The following MIGA1 variants were observed in gnomAD, a reference collection of about 807,000 sequenced individuals.
MIGA1 encodes the protein family with sequence similarity 73, member A.
Under a neutral mutation model 82.0 loss-of-function variants are expected in MIGA1, and 58 were observed. The observed-to-expected ratio is 0.71, with a 90% CI of 0.57 to 0.88. The LOEUF is 0.88. Among genes scored for constraint, MIGA1 ranks in the 40% least tolerant of loss-of-function variants. The probability of loss-of-function intolerance (pLI) is 0.00; values close to 1 mark genes in which losing one functional copy is unlikely to be tolerated. For synonymous variants in MIGA1, 249 were observed against 253.6 expected (o/e 0.98, Z 0.17); for missense variants, 751 against 749.1 (o/e 1.00, Z -0.03).
chr1:77,873,623 G>T (rs1331642933), intron 15 of MIGA1, among the ~76,000 whole-genome samples: 2 of 152,144 alleles, frequency 1.3e-5, no homozygotes. Context: ...GTTTTAGTTT[G>T]CCAAAATACA....
At chr1:77,833,290 A>G (rs988052496) in intron 7 of MIGA1, among the ~76,000 whole-genome samples, 1 of 152,240 alleles carries the variant, frequency 6.6e-6, no homozygotes, top group Non-Finnish European at 1.5e-5. Flanking sequence ...TACACATTGT[A>G]CAACATATGA....
At chr1:77,872,736 C>T (rs181890071) in intron 14 of MIGA1, among the ~76,000 whole-genome samples, 1 of 152,328 alleles carries the variant, frequency 6.6e-6, no homozygotes, top group East Asian at 1.9e-4. Context: ...TAGCATGGCT[C>T]ATGACTGACT....
intron 7 of MIGA1, among the ~76,000 whole-genome samples, chr1:77,835,072 A>C (rs1244194984): frequency 6.6e-6 from 1 of 152,234 alleles, no homozygotes; most frequent in Non-Finnish European, 1.5e-5. Context: ...AGAAAATAGA[A>C]TGTGCCTAGG....
In MIGA1 at chr1:77,813,792, TAGAC is replaced by T. The variant is rs775693561; in HGVS notation, c.699_702del (p.Gln234LeufsTer22). On this transcript the variant is annotated frameshift_variant, in exon 6 of 16. Coordinates refer to ENST00000370791, the MANE Select transcript of MIGA1 (RefSeq NM_198549.4). LOFTEE classifies it high-confidence loss of function. ...GGGAACAAGCTCTGACCTTTCGCAA[TAGAC>T]AGGCTGAAGATGAAGCCTGTGGTTC... The T allele has an allele frequency of 1.2e-6, 2 of 1,614,192 alleles. No homozygotes were observed. The highest frequency in any genetic ancestry group is 3.3e-5 in the Admixed American group (2 of 60,024).
At chr1:77,859,971 T>C in intron 10 of MIGA1, 69 bp from the exon 11 acceptor site, 1 of 950,130 alleles carries the variant, frequency 1.1e-6, no homozygotes, top group Non-Finnish European at 1.7e-6. Flanking sequence ...TTATTTGTGC[T>C]ATTAAGTTGA....
intron 15 of MIGA1, 66 bp downstream of exon 15, chr1:77,873,186 T>C: frequency 6.8e-7 from 1 of 1,471,070 alleles, no homozygotes; most frequent in South Asian, 1.2e-5. Context: ...GGTTTTATTC[T>C]GTTTTGTTTT....
At chr1:77,863,578 C>T (rs1183268202) in intron 12 of MIGA1, among the ~76,000 whole-genome samples, 2 of 152,146 alleles carry the variant, frequency 1.3e-5, no homozygotes, top group East Asian at 3.8e-4. Flanking sequence ...GTGGGGAAGA[C>T]AGGCACATAT....
chr1:77,847,537 A>C, intron 8 of MIGA1: 1 of 1,463,516 alleles, frequency 6.8e-7, no homozygotes. Context: ...GAAATGGAAA[A>C]GGGAGAGTTT....
At chr1:77,820,145 CAT>C (rs1683746827) in intron 7 of MIGA1, among the ~76,000 whole-genome samples, 1 of 143,414 alleles carries the variant, frequency 7.0e-6, no homozygotes, top group South Asian at 2.2e-4. Context: ...CCTCTATACT[CAT>C]GTGGTGATCT....
intron 8 of MIGA1, among the ~76,000 whole-genome samples, chr1:77,843,956 C>T (rs1360509006): frequency 2.0e-5 from 3 of 151,232 alleles, no homozygotes; most frequent in African/African-American, 7.3e-5. Context: ...AAAAATTAAC[C>T]AGATGTGGTA....
intron 8 of MIGA1, chr1:77,847,243 C>G (rs1684878231): frequency 1.9e-6 from 2 of 1,051,290 alleles, no homozygotes; most frequent in Admixed American, 1.7e-5. Flanking sequence ...TGAAAGCCTT[C>G]AGAGGGAAGC....
At chr1:77,813,027 C>T (rs1683404838) in intron 5 of MIGA1, among the ~76,000 whole-genome samples, 1 of 152,146 alleles carries the variant, frequency 6.6e-6, no homozygotes, top group Non-Finnish European at 1.5e-5. Flanking sequence ...GTCACCTAGG[C>T]TGGAGTACAG....
intron 1 of MIGA1, among the ~76,000 whole-genome samples, chr1:77,781,094 A>G (rs976490443): frequency 5.9e-5 from 9 of 151,742 alleles, no homozygotes; most frequent in Admixed American, 5.9e-4. Flanking sequence ...TTTGTAGTAG[A>G]GATGGGGTTT....
At chr1:77,835,774 C>T (rs1453426431) in intron 7 of MIGA1, among the ~76,000 whole-genome samples, 1 of 151,810 alleles carries the variant, frequency 6.6e-6, no homozygotes, top group Admixed American at 6.6e-5. Flanking sequence ...ATGGTGAAAC[C>T]CCATCTCTAC....
intron 7 of MIGA1, among the ~76,000 whole-genome samples, chr1:77,833,084 T>A (rs748734251): frequency 4.6e-5 from 7 of 152,184 alleles, no homozygotes; most frequent in Non-Finnish European, 7.4e-5. Flanking sequence ...CTGAATGAAC[T>A]TGGCAACAAG....
intron 7 of MIGA1, among the ~76,000 whole-genome samples, chr1:77,832,159 A>G (rs191626224): frequency 6.6e-6 from 1 of 152,276 alleles, no homozygotes; most frequent in Non-Finnish European, 1.5e-5. Flanking sequence ...TTTTATATTG[A>G]TGTGTAGGAA....
At chr1:77,793,349 C>T (rs1464051962) in intron 2 of MIGA1, among the ~76,000 whole-genome samples, 13 of 152,006 alleles carry the variant, frequency 8.6e-5, no homozygotes, top group African/African-American at 7.2e-5. Context: ...GCAGTCTGTC[C>T]GCTTTGGCCT....
chr1:77,815,664 G>A (rs1570952636), intron 7 of MIGA1, among the ~76,000 whole-genome samples: 1 of 152,166 alleles, frequency 6.6e-6, no homozygotes. Flanking sequence ...TACATACATC[G>A]TTATGGGTCA....
chr1:77,846,553 C>T (rs1557925717), intron 8 of MIGA1, among the ~76,000 whole-genome samples: 2 of 151,990 alleles, frequency 1.3e-5, no homozygotes. Flanking sequence ...AGGCTGGTCT[C>T]AAACTCCTGA....
Sources: gnomAD v4.1 joint callset for allele counts (sites outside exome capture counted in the v4.1 genomes callset) on GRCh38, gnomAD v4.1.1 for gene constraint, MANE v1.5 for transcripts, NCBI Gene and HGNC (gene_info 2026-07-23, HGNC 2026-07-21) for gene names.